Variants in KCNG2 observed in about 807,000 individuals in gnomAD.
KCNG2 encodes the protein potassium voltage-gated channel modifier subfamily G member 2, also known as voltage-gated potassium channel regulatory subunit KCNG2.
KCNG2 carries 7 observed loss-of-function variants against 12.3 expected under a neutral mutation model. The ratio of observed to expected loss-of-function variants is 0.57; its 90% confidence interval spans 0.32 to 1.07. The LOEUF (loss-of-function observed/expected upper bound fraction) is 1.07, where lower values mean the gene tolerates loss of function less well. Among genes scored for constraint, KCNG2 ranks in the 50% least tolerant of loss-of-function variants. The pLI, the probability that KCNG2 is intolerant of heterozygous loss-of-function variation, is 0.04. For missense variants in KCNG2, 703 were observed against 726.0 expected (o/e 0.97, Z 0.36); for synonymous variants, 414 against 351.4 (o/e 1.18, Z -1.99).
intron 1 of KCNG2, among the ~76,000 whole-genome samples, chr18:79,828,186 A>G (rs1191534587): frequency 6.6e-6 from 1 of 152,214 alleles, no homozygotes; most frequent in Admixed American, 6.5e-5. Context: ...CGGCCTCCCA[A>G]AGTACTGGGA....
intron 1 of KCNG2, among the ~76,000 whole-genome samples, chr18:79,831,468 G>A (rs1457395101): frequency 1.0e-4 from 3 of 29,394 alleles, no homozygotes; most frequent in African/African-American, 2.9e-4. Context: ...GGTTCCCTGC[G>A]GACAGAGCCT....
rs1276235238 is a variant in KCNG2 at position 79,830,810 on chromosome 18, TC to T, written c.-114-25566del. ...CGGACAGAGCCTTCGTCAGGAGGGT[TC>T]CCTGCATACAGAGCCTTCGTCAGGA... On this transcript the variant is annotated intron_variant, in intron 1 of 3. Coordinates refer to ENST00000316249, the MANE Select transcript of KCNG2 (RefSeq NM_012283.2). Among the ~76,000 whole-genome samples, 304 of 134,704 alleles carry T rather than the reference TC, an allele frequency of 2.3e-3. 1 individual carries two copies. The highest frequency in any genetic ancestry group is 2.6e-3 in the African/African-American group (94 of 35,960). 88.4% of individuals were successfully genotyped at this position (134,704 alleles called of 152,430 possible).
rs370191460 is a variant in KCNG2 at position 79,828,439 on chromosome 18, AGT to A, written c.-114-27934_-114-27933del. Among the ~76,000 whole-genome samples the A allele has an allele frequency of 9.7e-3, 484 of 49,796 alleles. 5 individuals are homozygous for A. The highest frequency in any genetic ancestry group is 0.014 in the African/African-American group (432 of 30,890). 32.7% of individuals were successfully genotyped at this position (49,796 alleles called of 152,430 possible). On this transcript the variant is annotated intron_variant, in intron 1 of 3. Coordinates refer to ENST00000316249, the MANE Select transcript of KCNG2 (RefSeq NM_012283.2). ...GCATGTTTGGGTGCATCTGTGTGCA[AGT>A]GTGTGGTGTGTGTGCAAATGTGTGT...
Position 79,822,303 on chromosome 18 carries a change from C to T in KCNG2, c.-115+24289C>T, listed in dbSNP as rs1400953688. Among the ~76,000 whole-genome samples the T allele has an allele frequency of 6.6e-6, 1 of 152,150 alleles. No individual in the cohort carries two copies. The highest frequency in any genetic ancestry group is 1.5e-5 in the Non-Finnish European group (1 of 68,038). On this transcript the variant is annotated intron_variant, in intron 1 of 3. Coordinates refer to ENST00000316249, the MANE Select transcript of KCNG2 (RefSeq NM_012283.2). This position sits in a 1 kb window ranked among gnomAD's most constrained non-coding sequence, Gnocchi z 4.4. ...CCCGCCCTGGTCACTACTTTAAAAC[C>T]CCACTCAGATGTCACCGCGTTCTTC...
intron 1 of KCNG2, among the ~76,000 whole-genome samples, chr18:79,807,722 C>T (rs938155978): frequency 1.9e-4 from 29 of 152,190 alleles, no homozygotes; most frequent in African/African-American, 6.8e-4. Context: ...GTTGCTCCGG[C>T]GCCACTGACG....
intron 1 of KCNG2, among the ~76,000 whole-genome samples, chr18:79,845,390 G>A (rs1312490430): frequency 1.3e-5 from 2 of 152,166 alleles, no homozygotes; most frequent in Non-Finnish European, 2.9e-5. Context: ...CACGGTTTTG[G>A]GGAGGCTACC....
intron 3 of KCNG2, among the ~76,000 whole-genome samples, chr18:79,885,260 G>A (rs537662301): frequency 6.6e-6 from 1 of 152,318 alleles, no homozygotes; most frequent in East Asian, 1.9e-4. Flanking sequence ...AATCTAGAGG[G>A]CGGTGGCTGT....
chr18:79,829,116 C>T lies in KCNG2; in HGVS notation c.-114-27263C>T, dbSNP rs538092811. On this transcript the variant is annotated intron_variant, in intron 1 of 3. Coordinates refer to ENST00000316249, the MANE Select transcript of KCNG2 (RefSeq NM_012283.2). ...TATGTGTGCGTGTGTGTAACATGTCCATGATGTGTGCATGTGTCTGTGTGT... is the reference window on the plus strand; with the variant it reads ...TATGTGTGCGTGTGTGTAACATGTCTATGATGTGTGCATGTGTCTGTGTGT... 8.2e-4 allele frequency among the ~76,000 whole-genome samples: 85 copies of T among 103,698 alleles called. 1 individual carries two copies. Among genetic ancestry groups the T allele is most frequent in the African/African-American group, 3.1e-3 (79 of 25,378 alleles). 68.0% of individuals were successfully genotyped at this position (103,698 alleles called of 152,430 possible).
chr18:79,884,920 C>T lies in KCNG2; in HGVS notation c.625-14120C>T, dbSNP rs559968600. ...ATCCCTGAAACTGTGATAATGAGAGCGTCCTGACACCAGGGCTGGGAAGCC... is the reference window on the plus strand; with the variant it reads ...ATCCCTGAAACTGTGATAATGAGAGTGTCCTGACACCAGGGCTGGGAAGCC... On this transcript the variant is annotated intron_variant, in intron 3 of 3. Transcript: ENST00000316249. This position sits in a 1 kb window ranked among gnomAD's most constrained non-coding sequence, Gnocchi z 5.5. Among the ~76,000 whole-genome samples the T allele has an allele frequency of 1.3e-5, 2 of 152,290 alleles. No individual in the cohort carries two copies. The highest frequency in any genetic ancestry group is 2.9e-5 in the Non-Finnish European group (2 of 68,018).
intron 1 of KCNG2, among the ~76,000 whole-genome samples, chr18:79,813,453 G>T (rs890991346): frequency 1.3e-5 from 2 of 152,168 alleles, no homozygotes; most frequent in African/African-American, 2.4e-5. Context: ...ACTAGAATTA[G>T]ATCCTCAATT....
chr18:79,836,671 G>A (rs1978328414), intron 1 of KCNG2, among the ~76,000 whole-genome samples: 1 of 152,172 alleles, frequency 6.6e-6, no homozygotes, highest in South Asian at 2.1e-4. Context: ...TAAAGGAGAA[G>A]CAAGACCTTC....
At chr18:79,878,085 G>T (rs948307178) in intron 3 of KCNG2, among the ~76,000 whole-genome samples, 2 of 152,276 alleles carry the variant, frequency 1.3e-5, no homozygotes, top group African/African-American at 2.4e-5. Context: ...GCCAGGAAAT[G>T]TGTAAATGCC....
chr18:79,848,947 G>A (rs1978719117), intron 1 of KCNG2, among the ~76,000 whole-genome samples: 1 of 152,180 alleles, frequency 6.6e-6, no homozygotes, highest in African/African-American at 2.4e-5. Flanking sequence ...ATGACCGCCT[G>A]GCGCCTGTGA....
intron 3 of KCNG2, among the ~76,000 whole-genome samples, chr18:79,869,086 C>T (rs1049466716): frequency 2.6e-5 from 4 of 152,094 alleles, no homozygotes. Context: ...CGTGAGCACC[C>T]CTACACACAG....
intron 3 of KCNG2, among the ~76,000 whole-genome samples, chr18:79,867,157 C>T (rs549322804): frequency 4.6e-5 from 4 of 86,074 alleles, no homozygotes; most frequent in Non-Finnish European, 7.5e-5. Flanking sequence ...GTCTGGGTAC[C>T]GAGGTCTGGG....
chr18:79,799,658 C>A (rs2087392117), intron 1 of KCNG2, among the ~76,000 whole-genome samples: 1 of 152,146 alleles, frequency 6.6e-6, no homozygotes, highest in South Asian at 2.1e-4. Flanking sequence ...GTTGAGATTT[C>A]GATAATTTAA....
chr18:79,868,514 G>A (rs1979701568), intron 3 of KCNG2, among the ~76,000 whole-genome samples: 2 of 152,194 alleles, frequency 1.3e-5, no homozygotes. Context: ...AGTTGTGTGG[G>A]TGAAGAGCCA....
chr18:79,890,010 A>C (rs1980690869), intron 3 of KCNG2, among the ~76,000 whole-genome samples: 1 of 152,188 alleles, frequency 6.6e-6, no homozygotes, highest in Admixed American at 6.5e-5. Context: ...TATGGATATG[A>C]TGTATCACGT....
intron 1 of KCNG2, among the ~76,000 whole-genome samples, chr18:79,840,789 A>G (rs909472577): frequency 1.1e-4 from 17 of 152,186 alleles, no homozygotes; most frequent in Admixed American, 1.3e-4. Context: ...TAGATCCACA[A>G]AAAAATTCCT....
Sources: gnomAD v4.1 joint callset for allele counts (sites outside exome capture counted in the v4.1 genomes callset) on GRCh38, gnomAD v4.1.1 for gene constraint, Gnocchi (gnomAD v3.1) non-coding constraint, MANE v1.5 for transcripts, NCBI Gene and HGNC (gene_info 2026-07-23, HGNC 2026-07-21) for gene names.